GREM2: variants seen among roughly 807,000 people sequenced by gnomAD.
The protein encoded by GREM2 is gremlin-2.
Under a neutral mutation model 14.2 loss-of-function variants are expected in GREM2, and 11 were observed. The observed-to-expected ratio is 0.78, with a 90% CI of 0.49 to 1.28. GREM2 has a LOEUF of 1.28. Among genes scored for constraint, GREM2 ranks in the 50% most tolerant of loss-of-function variants. GREM2 has a pLI of 0.00. For missense variants in GREM2, 210 were observed against 218.5 expected, an observed-to-expected ratio of 0.96 and a Z score of 0.24; for synonymous variants, 98 against 97.6, an observed-to-expected ratio of 1.00 and a Z score of -0.02.
intron 1 of GREM2, among the ~76,000 whole-genome samples, chr1:240,496,497 C>T (rs1276500197): frequency 6.6e-6 from 1 of 152,216 alleles, no homozygotes; most frequent in African/African-American, 2.4e-5. Context: ...TTAGAGTTAC[C>T]TTCACCACCA....
chr1:240,540,668 T>C lies in GREM2; in HGVS notation c.-1-47192A>G, dbSNP rs1399790018. Among the ~76,000 whole-genome samples, 1 of 151,802 alleles carries C rather than the reference T, an allele frequency of 6.6e-6. No individual in the cohort carries two copies. The highest frequency in any genetic ancestry group is 1.5e-5 in the Non-Finnish European group (1 of 67,950). ...ACCTCTGCCTCCTGGGTTCAAGAGA[T>C]TCTCCTGCCTCAGCCTCCTGAGTAG... On this transcript the variant is annotated intron_variant, in intron 1 of 1. Coordinates refer to ENST00000318160, the MANE Select transcript of GREM2 (RefSeq NM_022469.4). This position sits in a 1 kb window ranked among gnomAD's most constrained non-coding sequence, Gnocchi z 4.2.
At chr1:240,519,749 A>G (rs767409748) in intron 1 of GREM2, among the ~76,000 whole-genome samples, 18 of 152,110 alleles carry the variant, frequency 1.2e-4, no homozygotes, top group Non-Finnish European at 2.6e-4. Flanking sequence ...CAAAAGATAT[A>G]TAAAGCAAAA....
In GREM2 at chr1:240,523,004, A is replaced by C. The variant is rs184670379; in HGVS notation, c.-1-29528T>G. Among the ~76,000 whole-genome samples, 62 of 152,398 alleles carry C rather than the reference A, an allele frequency of 4.1e-4. 1 individual carries two copies. Among genetic ancestry groups the C allele is most frequent in the Non-Finnish European group, 7.5e-4 (51 of 68,044 alleles). On this transcript the variant is annotated intron_variant, in intron 1 of 1. Coordinates refer to ENST00000318160, the MANE Select transcript of GREM2 (RefSeq NM_022469.4). ...ATTTTTGAATGGATAATACATGTACATACAGGTACATAATTCAACAATTAC... is the reference window on the plus strand; with the variant it reads ...ATTTTTGAATGGATAATACATGTACCTACAGGTACATAATTCAACAATTAC...
At chr1:240,595,403 G>C (rs150195411) in intron 1 of GREM2, among the ~76,000 whole-genome samples, 7 of 152,200 alleles carry the variant, frequency 4.6e-5, no homozygotes, top group Admixed American at 4.6e-4. Context: ...TTGCTCTCTT[G>C]GGGTTATACT....
At chr1:240,600,602 G>A (rs1679902993) in intron 1 of GREM2, among the ~76,000 whole-genome samples, 1 of 152,068 alleles carries the variant, frequency 6.6e-6, no homozygotes, top group South Asian at 2.1e-4. Context: ...TCCTACCTCA[G>A]CCTCCTGAGT....
chr1:240,561,472 G>T (rs973362920), intron 1 of GREM2, among the ~76,000 whole-genome samples: 2 of 152,062 alleles, frequency 1.3e-5, no homozygotes, highest in African/African-American at 2.4e-5. Flanking sequence ...CAAGCAAAAC[G>T]TGGAAATCTA....
intron 1 of GREM2, among the ~76,000 whole-genome samples, chr1:240,578,885 G>A (rs1451886832): frequency 6.6e-6 from 1 of 152,154 alleles, no homozygotes; most frequent in African/African-American, 2.4e-5. Flanking sequence ...CCCTAGGGCC[G>A]AGATTGGGAA....
At chr1:240,512,152 T>C (rs781374342) in intron 1 of GREM2, among the ~76,000 whole-genome samples, 1 of 152,126 alleles carries the variant, frequency 6.6e-6, no homozygotes, top group Non-Finnish European at 1.5e-5. Context: ...AAGGGAATAG[T>C]GAAGGACAAA....
chr1:240,583,436 T>G (rs16840415), intron 1 of GREM2, among the ~76,000 whole-genome samples: 5,817 of 152,248 alleles, frequency 0.038, 352 homozygotes, highest in African/African-American at 0.13. Flanking sequence ...TAGCACCAAA[T>G]GTACACGATG....
intron 1 of GREM2, among the ~76,000 whole-genome samples, chr1:240,544,605 T>C (rs567573850): frequency 2.0e-5 from 3 of 152,326 alleles, no homozygotes; most frequent in Non-Finnish European, 2.9e-5. Context: ...ATCAAGGCTA[T>C]GTGATTCCTA....
At chr1:240,522,056 G>A (rs1678111811) in intron 1 of GREM2, among the ~76,000 whole-genome samples, 1 of 145,928 alleles carries the variant, frequency 6.9e-6, no homozygotes, top group Admixed American at 7.0e-5. Flanking sequence ...GGAGGTTGAG[G>A]TTTCAGTGAG....
At chr1:240,610,127 A>G (rs570300192) in intron 1 of GREM2, among the ~76,000 whole-genome samples, 1 of 152,344 alleles carries the variant, frequency 6.6e-6, no homozygotes, top group African/African-American at 2.4e-5. Flanking sequence ...AGTTAGAAAG[A>G]TAAGACAGAA....
intron 1 of GREM2, among the ~76,000 whole-genome samples, chr1:240,605,478 T>G (rs1680006921): frequency 6.6e-6 from 1 of 151,954 alleles, no homozygotes; most frequent in African/African-American, 2.4e-5. Flanking sequence ...GAATGAGACC[T>G]TGTCTCAAAA....
intron 1 of GREM2, among the ~76,000 whole-genome samples, chr1:240,547,540 G>GATAGATAA (rs1678766259): frequency 7.3e-6 from 1 of 137,468 alleles, no homozygotes; most frequent in African/African-American, 3.1e-5. Context: ...TATATAGATA[G>GATAGATAA]ATAGATAGAT....
At chr1:240,532,821 C>T (rs539863496) in intron 1 of GREM2, among the ~76,000 whole-genome samples, 1 of 152,290 alleles carries the variant, frequency 6.6e-6, no homozygotes, top group South Asian at 2.1e-4. Context: ...AGGAGTCAAA[C>T]CCAGTTTATT....
chr1:240,575,030 G>T (rs957666474), intron 1 of GREM2, among the ~76,000 whole-genome samples: 4 of 151,906 alleles, frequency 2.6e-5, no homozygotes, highest in South Asian at 2.1e-4. Context: ...TTGGTTGAAC[G>T]TGGGAGGCGG....
chr1:240,582,865 A>T (rs940895614), intron 1 of GREM2, among the ~76,000 whole-genome samples: 20 of 149,606 alleles, frequency 1.3e-4, no homozygotes, highest in Admixed American at 3.3e-4. Context: ...AAATTTTTTT[A>T]AAGTACGTAG....
chr1:240,573,310 T>G (rs1344739714), intron 1 of GREM2, among the ~76,000 whole-genome samples: 3 of 152,016 alleles, frequency 2.0e-5, no homozygotes, highest in African/African-American at 7.2e-5. Flanking sequence ...TTTTTTCAAC[T>G]ATTAAAAACA....
At position 240,521,826 on chromosome 1, in the gene GREM2, T is replaced by A. The variant is rs570682608; in HGVS notation, c.-1-28350A>T. 5.3e-4 allele frequency among the ~76,000 whole-genome samples: 80 copies of A among 152,180 alleles called. 2 individuals are homozygous for A. The South Asian group carries it at 0.016, about 30-fold the overall frequency. On this transcript the variant is annotated intron_variant, in intron 1 of 1. Coordinates refer to ENST00000318160, the MANE Select transcript of GREM2 (RefSeq NM_022469.4). ...TGTGTTTTTAAAATATAATTTTAAA[T>A]GTAGGCCAGGGTCAGTGGCTCATGC...
Sources: allele counts gnomAD v4.1 joint callset (sites outside exome capture counted in the v4.1 genomes callset), GRCh38; gene constraint gnomAD v4.1.1; non-coding constraint Gnocchi (gnomAD v3.1); transcripts MANE v1.5; gene names NCBI Gene and HGNC (gene_info 2026-07-23, HGNC 2026-07-21).